LDB2: variants seen among roughly 807,000 people sequenced by gnomAD.
LDB2 encodes LIM domain-binding protein 2.
LDB2 carries 12 observed loss-of-function variants against 44.3 expected under a neutral mutation model. The observed-to-expected ratio is 0.27, with a 90% CI of 0.17 to 0.44. The LOEUF (loss-of-function observed/expected upper bound fraction) is 0.44. Among genes scored for constraint, LDB2 ranks in the 20% least tolerant of loss-of-function variants. LDB2 has a pLI of 1.00. For synonymous variants in LDB2, 164 were observed against 174.8 expected (o/e 0.94, Z 0.49); for missense variants, 344 against 473.5 (o/e 0.73, Z 2.54).
At chr4:16,850,641 C>A (rs993969465) in intron 1 of LDB2, among the ~76,000 whole-genome samples, 1 of 152,154 alleles carries the variant, frequency 6.6e-6, no homozygotes, top group African/African-American at 2.4e-5. Flanking sequence ...CAAGAACTAA[C>A]CCCTAGAATG....
chr4:16,706,820 A>C (rs978462894), intron 2 of LDB2, among the ~76,000 whole-genome samples: 1 of 152,178 alleles, frequency 6.6e-6, no homozygotes, highest in Admixed American at 6.5e-5. Flanking sequence ...TAAAATAGCA[A>C]GTACTGCAGC....
chr4:16,605,362 A>G (rs1396798047), intron 2 of LDB2, among the ~76,000 whole-genome samples: 1 of 152,242 alleles, frequency 6.6e-6, no homozygotes, highest in East Asian at 1.9e-4. Context: ...GTTAGGGTGC[A>G]ATAAAATGGA....
At chr4:16,738,818 A>C (rs1762392922) in intron 2 of LDB2, among the ~76,000 whole-genome samples, 1 of 152,226 alleles carries the variant, frequency 6.6e-6, no homozygotes. Flanking sequence ...TATTGAATAA[A>C]TTCTTATCAG....
intron 2 of LDB2, among the ~76,000 whole-genome samples, chr4:16,598,690 GTTT>G (rs1488543874): frequency 1.3e-5 from 2 of 152,192 alleles, no homozygotes; most frequent in African/African-American, 2.4e-5. Context: ...AAAGAGGGAA[GTTT>G]TGCCAGGAAA....
At chr4:16,728,644 A>G (rs1408774584) in intron 2 of LDB2, among the ~76,000 whole-genome samples, 2 of 152,182 alleles carry the variant, frequency 1.3e-5, no homozygotes, top group South Asian at 2.1e-4. Flanking sequence ...TATTCTTTAT[A>G]TTGGTGTAAT....
chr4:16,571,360 T>G (rs1205188526), intron 5 of LDB2, among the ~76,000 whole-genome samples: 1 of 151,946 alleles, frequency 6.6e-6, no homozygotes, highest in African/African-American at 2.4e-5. Context: ...GGAGTTATCG[T>G]GGAATGAGTC....
chr4:16,646,990 C>T (rs1736975971), intron 2 of LDB2, among the ~76,000 whole-genome samples: 1 of 152,102 alleles, frequency 6.6e-6, no homozygotes, highest in Admixed American at 6.5e-5. Context: ...AACATATATC[C>T]ATGTAAAAAC....
chr4:16,744,463 C>T (rs35757703), intron 2 of LDB2, among the ~76,000 whole-genome samples: 11,838 of 149,762 alleles, frequency 0.079, 728 homozygotes, highest in East Asian at 0.39. Flanking sequence ...GGCCAAGTCA[C>T]GTGATTTTTT....
intron 2 of LDB2, among the ~76,000 whole-genome samples, chr4:16,619,950 G>A (rs758042147): frequency 1.6e-4 from 25 of 151,934 alleles, no homozygotes; most frequent in Non-Finnish European, 2.9e-4. Context: ...CCATTTCATC[G>A]GCACTTTAAA....
intron 2 of LDB2, among the ~76,000 whole-genome samples, chr4:16,707,589 T>C (rs1380311609): frequency 6.6e-6 from 1 of 152,206 alleles, no homozygotes; most frequent in Non-Finnish European, 1.5e-5. Context: ...TTCATTTTTA[T>C]TTGCCAGTAC....
In LDB2 at chr4:16,625,181, AC is replaced by A. The variant is rs539524197; in HGVS notation, c.236-29307del. 5.6e-3 allele frequency among the ~76,000 whole-genome samples: 845 copies of A among 152,194 alleles called. 6 individuals carry two copies. The highest frequency in any genetic ancestry group is 0.01 in the Non-Finnish European group (714 of 68,012). ...TCTCTAAGTCCCTGCAGCCCACCCCACATCACAATCAGTCTTGCTCCAGCAG... is the reference window on the plus strand; with the variant it reads ...TCTCTAAGTCCCTGCAGCCCACCCCAATCACAATCAGTCTTGCTCCAGCAG... On this transcript the variant is annotated intron_variant, in intron 2 of 7. Coordinates refer to ENST00000304523, the MANE Select transcript of LDB2 (RefSeq NM_001290.5).
chr4:16,674,222 T>C, intron 2 of LDB2: 1 of 1,288,182 alleles, frequency 7.8e-7, no homozygotes, highest in Non-Finnish European at 1.0e-6. Context: ...AGAAAAGCAA[T>C]TACATGATAG....
At chr4:16,587,918 A>G (rs2152428359) in intron 4 of LDB2, among the ~76,000 whole-genome samples, 1 of 152,320 alleles carries the variant, frequency 6.6e-6, no homozygotes, top group South Asian at 2.1e-4. Context: ...AGAGTAAAAA[A>G]AAATCAGTAA....
chr4:16,656,428 G>T (rs543151669), intron 2 of LDB2, among the ~76,000 whole-genome samples: 6 of 152,292 alleles, frequency 3.9e-5, no homozygotes, highest in African/African-American at 1.4e-4. Flanking sequence ...CACTGGAGCT[G>T]TGCTGTCCAA....
intron 1 of LDB2, among the ~76,000 whole-genome samples, chr4:16,862,352 G>A (rs1231485088): frequency 6.6e-6 from 1 of 151,848 alleles, no homozygotes; most frequent in African/African-American, 2.4e-5. Flanking sequence ...AAAGAGCCCT[G>A]GCCGGGCGTG....
chr4:16,538,533 G>C (rs1732642626), intron 5 of LDB2, among the ~76,000 whole-genome samples: 1 of 152,146 alleles, frequency 6.6e-6, no homozygotes, highest in Non-Finnish European at 1.5e-5. Flanking sequence ...TGCTTGTCTT[G>C]GTTCATCAGT....
chr4:16,734,814 T>C (rs2108953760), intron 2 of LDB2, among the ~76,000 whole-genome samples: 1 of 151,534 alleles, frequency 6.6e-6, no homozygotes, highest in African/African-American at 2.4e-5. Flanking sequence ...GTTCAAGCGA[T>C]TCTCCTGCCT....
chr4:16,668,788 G>C (rs1743989067), intron 2 of LDB2, among the ~76,000 whole-genome samples: 1 of 152,316 alleles, frequency 6.6e-6, no homozygotes, highest in East Asian at 1.9e-4. Context: ...TGCAAAGAGA[G>C]TCATTACAGC....
intron 1 of LDB2, among the ~76,000 whole-genome samples, chr4:16,853,826 CA>C (rs755012097): frequency 1.1e-4 from 16 of 152,062 alleles, no homozygotes; most frequent in Admixed American, 5.9e-4. Context: ...CCATCTGCTA[CA>C]GCATGGATGA....
Sources: gnomAD v4.1 joint callset for allele counts (sites outside exome capture counted in the v4.1 genomes callset) on GRCh38, gnomAD v4.1.1 for gene constraint, MANE v1.5 for transcripts, NCBI Gene and HGNC (gene_info 2026-07-23, HGNC 2026-07-21) for gene names.